FUBP3: variants seen among roughly 807,000 people sequenced by gnomAD.
FUBP3 encodes far upstream element binding protein 3, also known as far upstream element-binding protein 3.
Under a neutral mutation model 85.6 loss-of-function variants are expected in FUBP3, and 28 were observed. The ratio of observed to expected loss-of-function variants is 0.33; its 90% CI spans 0.24 to 0.45. The LOEUF is 0.45. Among genes scored for constraint, FUBP3 ranks in the 20% least tolerant of loss-of-function variants. FUBP3 has a pLI of 1.00. For synonymous variants in FUBP3, 271 were observed against 271.4 expected (o/e 1.00, Z 0.01); for missense variants, 583 against 755.1 (o/e 0.77, Z 2.67).
Position 130,616,315 on chromosome 9 carries a change from T to A in FUBP3, c.405-40T>A. 1.2e-6 allele frequency: 2 copies of A among 1,608,566 alleles called. No homozygotes were observed. Among genetic ancestry groups the A allele is most frequent in the Non-Finnish European group, 1.7e-6 (2 of 1,175,470 alleles). On this transcript the variant is annotated intron_variant, in intron 6 of 18. Transcript: ENST00000319725. The surrounding 1 kb of genome is among the most constrained non-coding windows in gnomAD (Gnocchi z 4.7). Reference sequence around the variant, plus strand: ...CTGTCTTGCACACTTAGAGCCTCCATTTAATGCTGGTTCTCTTGTGGTTCT... The same window carrying A: ...CTGTCTTGCACACTTAGAGCCTCCAATTAATGCTGGTTCTCTTGTGGTTCT...
chr9:130,616,571 TTCC>T lies in FUBP3; in HGVS notation c.567+56_567+58del, dbSNP rs1354988651. The T allele has an allele frequency of 6.4e-7, 1 of 1,556,362 alleles. No homozygotes were observed. The highest frequency in any genetic ancestry group is 8.8e-7 in the Non-Finnish European group (1 of 1,130,100). On this transcript the variant is annotated intron_variant, in intron 7 of 18. Transcript: ENST00000319725. The surrounding 1 kb of genome is among the most constrained non-coding windows in gnomAD (Gnocchi z 4.7). ...CGGCCGCTCGCAGCAGGTCTTCAGC[TTCC>T]TGGCCCAGGAGATCTGCTTACGGCT... is the stretch of plus-strand genomic sequence containing the variant.
At chr9:130,584,109 A>G (rs1830243047) in intron 1 of FUBP3, among the ~76,000 whole-genome samples, 1 of 152,172 alleles carries the variant, frequency 6.6e-6, no homozygotes, top group African/African-American at 2.4e-5. Flanking sequence ...AGTACCAGTT[A>G]TTTCATAAAT....
At chr9:130,581,936 T>C (rs1830149013) in intron 1 of FUBP3, 1 of 152,228 alleles carries the variant, frequency 6.6e-6, no homozygotes, top group African/African-American at 2.4e-5. Flanking sequence ...CCTTATCAAC[T>C]AGGCTTTCCC....
chr9:130,628,077 TAAAC>T lies in FUBP3; in HGVS notation c.1117+1574_1117+1577del, dbSNP rs570920596. On this transcript the variant is annotated intron_variant, in intron 12 of 18. Transcript: ENST00000319725. ...TTTCTATGTCACACACACACCGCAC[TAAAC>T]ACACGCACGCACGCACGCACGCGCA... 1.3e-4 allele frequency among the ~76,000 whole-genome samples: 17 copies of T among 135,238 alleles called. No individual in the cohort carries two copies. In the East Asian group the frequency reaches 3.9e-3, roughly 31 times the overall value. The allele number at this position is 135,238 out of a possible 152,430, so 88.7% of individuals were successfully genotyped here.
At chr9:130,636,307 G>A (rs559965663) in intron 18 of FUBP3, 181 bp downstream of exon 18, 521 of 716,600 alleles carry the variant, frequency 7.3e-4, no homozygotes, top group Non-Finnish European at 1.2e-3. Flanking sequence ...GTCCCTCCTC[G>A]CTCTGGAGAA....
rs1831792870 is a variant in FUBP3, at chr9:130,612,414, T to G, written c.225-42T>G. On this transcript the variant is annotated intron_variant, in intron 3 of 18. Transcript: ENST00000319725. This position sits in a 1 kb window ranked among gnomAD's most constrained non-coding sequence, Gnocchi z 4.1. Reference sequence around the variant, plus strand: ...TGGGGACCTAAAATGGCTGCAAAAGTCTGTATTCTGTATTTTTTTCCAAAA... The same window carrying G: ...TGGGGACCTAAAATGGCTGCAAAAGGCTGTATTCTGTATTTTTTTCCAAAA... 7.7e-7 allele frequency: 1 copy of G among 1,300,138 alleles called. No homozygotes were observed. Among genetic ancestry groups the G allele is most frequent in the Non-Finnish European group, 1.1e-6 (1 of 900,504 alleles). The allele number at this position is 1,300,138 out of a possible 1,614,324, so 80.5% of individuals were successfully genotyped here.
At chr9:130,610,043 C>T in intron 3 of FUBP3, 56 bp downstream of exon 3, 10 of 1,304,756 alleles carry the variant, frequency 7.7e-6, no homozygotes, top group Non-Finnish European at 1.0e-5. Flanking sequence ...GTTTATTGAT[C>T]CACCATCTGT....
chr9:130,589,705 A>ATATTTTTTTTTTTTTT (rs1414691549), intron 1 of FUBP3, among the ~76,000 whole-genome samples: 1 of 73,860 alleles, frequency 1.4e-5, no homozygotes, highest in African/African-American at 7.7e-5. Context: ...ATATATATAT[A>ATATTTTTTTTTTTTTT]TTTTTTTTTT....
Position 130,602,289 on chromosome 9 carries a change from C to T in FUBP3, c.190+6701C>T, listed in dbSNP as rs1483159678. 3.9e-5 allele frequency among the ~76,000 whole-genome samples: 6 copies of T among 152,160 alleles called. No homozygotes were observed. In the South Asian group the frequency reaches 1.0e-3, roughly 26 times the overall value. The stretch of plus-strand genomic sequence containing the variant: ...ATGAGGGGGAACTGCTGTATTCTTA[C>T]GGGGTAAAGGACGAATTCTTGGGCG... On this transcript the variant is annotated intron_variant, in intron 2 of 18. Coordinates refer to ENST00000319725, the MANE Select transcript of FUBP3 (RefSeq NM_003934.2).
chr9:130,623,145 A>G (rs1404186251), intron 10 of FUBP3, among the ~76,000 whole-genome samples: 4 of 152,090 alleles, frequency 2.6e-5, no homozygotes, highest in Non-Finnish European at 5.9e-5. Context: ...TATAATTTTG[A>G]TTTTATTAAA....
chr9:130,636,000 T>A lies in FUBP3; in HGVS notation c.1584T>A (p.Ser528Arg). ...KAWEDYYKKQ[S>R]HAASAAPQAS... ...TGTGTTTCCTCCTTTGTCAACCAGG[T>A]CACGCCGCCAGCGCTGCTCCTCAGG... is the stretch of plus-strand genomic sequence containing the variant. The change falls in exon 18 of 19, where the codon AGT becomes AGA. Residue 528 changes from serine (S) to arginine (R), a missense_variant and splice_region_variant. Around this residue, in one of 3 missense-constraint regions of FUBP3, gnomAD observed 404 missense variants for 516.8 expected, o/e 0.78. Coordinates refer to ENST00000319725, the MANE Select transcript of FUBP3 (RefSeq NM_003934.2). The surrounding 1 kb of genome is among the most constrained non-coding windows in gnomAD (Gnocchi z 4.3). The A allele has an allele frequency of 6.2e-7, 1 of 1,613,522 alleles. No homozygotes were observed. The highest frequency in any genetic ancestry group is 8.5e-7 in the Non-Finnish European group (1 of 1,179,864).
At position 130,638,336 on chromosome 9, in the gene FUBP3, A is replaced by G. The variant is rs1830481988; in HGVS notation, c.*1314A>G. 6.6e-6 allele frequency: 1 copy of G among 152,612 alleles called. No homozygotes were observed. Among genetic ancestry groups the G allele is most frequent in the Admixed American group, 6.5e-5 (1 of 15,284 alleles). The allele number at this position is 152,612 out of a possible 1,614,324, so 9.5% of individuals were successfully genotyped here. A position where few individuals can be genotyped will look rare whatever the true frequency, so the allele number is the denominator to read the frequency against. ...CTATATAATAAAATCTCCACAAGGC[A>G]TCTTGTGGGCAAAGTCTTTCTGGCC... On this transcript the variant is annotated 3_prime_UTR_variant, in exon 19 of 19. Transcript: ENST00000319725.
chr9:130,631,830 G>A, intron 14 of FUBP3, 112 bp from the exon 15 acceptor site: 1 of 884,036 alleles, frequency 1.1e-6, no homozygotes, highest in Non-Finnish European at 1.9e-6. Flanking sequence ...GCCTCTCAGA[G>A]GGCAGAGGGT....
intron 2 of FUBP3, among the ~76,000 whole-genome samples, chr9:130,604,787 A>G (rs1039021747): frequency 6.6e-6 from 1 of 151,894 alleles, no homozygotes; most frequent in African/African-American, 2.4e-5. Context: ...AGTCCCAGCT[A>G]CTCGGGAGGC....
intron 11 of FUBP3, among the ~76,000 whole-genome samples, chr9:130,625,972 C>T (rs750070303): frequency 1.3e-5 from 2 of 152,094 alleles, no homozygotes; most frequent in Non-Finnish European, 2.9e-5. Flanking sequence ...CCCATAGGCC[C>T]AGTATGTGTC....
chr9:130,631,974 C>A lies in FUBP3; in HGVS notation c.1385C>A (p.Pro462Gln), dbSNP rs1364989248. ...TFPPRSSGCF[P>Q]NMAAKVNGNP... ...CCTCCAAGGAGCTCCGGGTGCTTCC[C>A]AAACATGGCTGCCAAGGTGAATGGG... is the stretch of plus-strand genomic sequence containing the variant. The change falls in exon 15 of 19, where the codon CCA (proline) becomes CAA (glutamine). Residue 462 changes from proline (P) to glutamine (Q), a missense_variant. Pro to Gln is a moderately conservative substitution (Grantham distance 76). Coordinates refer to ENST00000319725, the MANE Select transcript of FUBP3 (RefSeq NM_003934.2). The A allele has an allele frequency of 6.2e-7, 1 of 1,613,626 alleles. No homozygotes were observed. Among genetic ancestry groups the A allele is most frequent in the Non-Finnish European group, 8.5e-7 (1 of 1,179,602 alleles).
At chr9:130,606,438 G>A (rs952592037) in intron 2 of FUBP3, among the ~76,000 whole-genome samples, 1 of 152,190 alleles carries the variant, frequency 6.6e-6, no homozygotes, top group Non-Finnish European at 1.5e-5. Context: ...GGTTCCGTGT[G>A]GGTGCCAGCC....
rs1192942231 is a variant in FUBP3 at position 130,626,437 on chromosome 9, C to T, written c.1049C>T (p.Ala350Val). ...GGCCGTGGCGACTGGAGCGTGGGAG[C>T]CCCTGGTGGCGTCCAGGAGATAACA... The part of the protein sequence containing the change: ...GRGRGDWSVG[A>V]PGGVQEITYT... The change falls in exon 12 of 19, where the codon GCC (alanine) becomes GTC (valine). Residue 350 changes from alanine (A) to valine (V), a missense_variant. Transcript: ENST00000319725. The T allele has an allele frequency of 8.1e-6, 13 of 1,614,020 alleles. No individual in the cohort carries two copies. The highest frequency in any genetic ancestry group is 1.1e-5 in the Non-Finnish European group (13 of 1,179,948).
At chr9:130,585,601 TTACTG>T (rs1335015852) in intron 1 of FUBP3, among the ~76,000 whole-genome samples, 1 of 152,216 alleles carries the variant, frequency 6.6e-6, no homozygotes, top group East Asian at 1.9e-4. Flanking sequence ...ATTGGCTTCT[TTACTG>T]TAGGACTTCT....
Sources: allele counts gnomAD v4.1 joint callset (sites outside exome capture counted in the v4.1 genomes callset), GRCh38; gene constraint gnomAD v4.1.1; regional missense constraint gnomAD v4.1.1; non-coding constraint Gnocchi (gnomAD v3.1); transcripts MANE v1.5; gene names NCBI Gene and HGNC (gene_info 2026-07-23, HGNC 2026-07-21).